Variants in GLIS2 observed in about 807,000 individuals in gnomAD.
GLIS2 encodes GLIS family zinc finger 2, also known as zinc finger protein GLIS2.
Under a neutral mutation model 35.6 loss-of-function variants are expected in GLIS2, and 14 were observed. The observed-to-expected ratio is 0.39, with a 90% CI of 0.26 to 0.61. GLIS2 has a LOEUF of 0.61. Among genes scored for constraint, GLIS2 ranks in the 20% least tolerant of loss-of-function variants. The pLI, the probability that GLIS2 is intolerant of heterozygous loss-of-function variation, is 0.48. For synonymous variants in GLIS2, 368 were observed against 325.1 expected, an observed-to-expected ratio of 1.13 and a Z score of -1.42; for missense variants, 675 against 713.4, an observed-to-expected ratio of 0.95 and a Z score of 0.61.
chr16:4,335,493 G>C lies in GLIS2; in HGVS notation c.775+100G>C. 1.9e-6 allele frequency: 2 copies of C among 1,052,840 alleles called. No homozygotes were observed. The highest frequency in any genetic ancestry group is 4.8e-5 in the East Asian group (2 of 41,338). The allele number at this position is 1,052,840 out of a possible 1,614,324, so 65.2% of individuals were successfully genotyped here. ...GGGAGGGGACTGTTAAGTAAATCCC[G>C]GGCCTCAGAGATAAGGGTTGATGTC... On this transcript the variant is annotated intron_variant, in intron 6 of 6. Coordinates refer to ENST00000433375, the MANE Select transcript of GLIS2 (RefSeq NM_032575.3). This position sits in a 1 kb window ranked among gnomAD's most constrained non-coding sequence, Gnocchi z 4.6.
intron 3 of GLIS2, among the ~76,000 whole-genome samples, 154 bp downstream of exon 3, chr16:4,333,673 C>T (rs892887841): frequency 2.0e-5 from 3 of 152,188 alleles, no homozygotes; most frequent in Admixed American, 6.5e-5. Flanking sequence ...TAGGGGAGAA[C>T]CTTCCCTGCC....
intron 1 of GLIS2, among the ~76,000 whole-genome samples, chr16:4,319,053 C>T (rs932734202): frequency 2.6e-5 from 4 of 152,128 alleles, no homozygotes; most frequent in Non-Finnish European, 2.9e-5. Context: ...AGGCTGCCTC[C>T]GAAGGTTCCT....
intron 1 of GLIS2, among the ~76,000 whole-genome samples, chr16:4,319,619 C>A (rs1188877334): frequency 1.3e-5 from 2 of 152,238 alleles, no homozygotes; most frequent in Non-Finnish European, 1.5e-5. Context: ...GCCTCCGCCC[C>A]ACCCTGGTGA....
chr16:4,328,760 G>A (rs901172134), intron 1 of GLIS2, among the ~76,000 whole-genome samples: 9 of 152,186 alleles, frequency 5.9e-5, no homozygotes, highest in African/African-American at 1.9e-4. Flanking sequence ...GCCCCACCTG[G>A]GGAGACAGGC....
Position 4,337,056 on chromosome 16 carries a change from C to A in GLIS2, c.1107C>A (p.Gly369=). The part of the protein sequence containing the change: ...AALFGGPGLP[G]LPLPLAPGPL... Reference sequence around the variant, plus strand: ...TCTTTGGAGGCCCTGGCCTGCCCGGCTTACCCCTACCCCTGGCCCCCGGCC... The same window carrying A: ...TCTTTGGAGGCCCTGGCCTGCCCGGATTACCCCTACCCCTGGCCCCCGGCC... Residue 369 remains glycine, a synonymous_variant, in exon 7 of 7, where the codon GGC becomes GGA. Coordinates refer to ENST00000433375, the MANE Select transcript of GLIS2 (RefSeq NM_032575.3). 6.4e-7 allele frequency: 1 copy of A among 1,564,536 alleles called. No individual in the cohort carries two copies.
chr16:4,334,103 C>T (rs1399564264), intron 3 of GLIS2, among the ~76,000 whole-genome samples: 2 of 151,818 alleles, frequency 1.3e-5, no homozygotes, highest in Non-Finnish European at 2.9e-5. Context: ...TCACACCTGG[C>T]TACTTTTGTA....
intron 1 of GLIS2, among the ~76,000 whole-genome samples, chr16:4,317,976 C>T (rs1206586516): frequency 6.6e-6 from 1 of 152,208 alleles, no homozygotes; most frequent in African/African-American, 2.4e-5. Flanking sequence ...GGCTCTTCGG[C>T]CCCTGAGTGA....
upstream of GLIS2, among the ~76,000 whole-genome samples, chr16:4,316,011 TCCCG>T (rs1314673797): frequency 2.3e-4 from 12 of 53,312 alleles, no homozygotes; most frequent in African/African-American, 7.4e-4. Context: ...TCCTCCCTCC[TCCCG>T]CCCGCCCGCC....
intron 1 of GLIS2, among the ~76,000 whole-genome samples, chr16:4,318,031 C>T (rs1260389911): frequency 6.6e-6 from 1 of 152,046 alleles, no homozygotes; most frequent in Non-Finnish European, 1.5e-5. Flanking sequence ...GCTCCTGGCT[C>T]TCTACACAGG....
At chr16:4,328,943 A>G (rs2053467667) in intron 1 of GLIS2, among the ~76,000 whole-genome samples, 1 of 130,462 alleles carries the variant, frequency 7.7e-6, no homozygotes, top group Non-Finnish European at 1.5e-5. Flanking sequence ...TTCCCAAACC[A>G]TCCTGCCCTT....
rs2053364942 is a variant in GLIS2 at position 4,320,330 on chromosome 16, C to G, written c.-67+4076C>G. Among the ~76,000 whole-genome samples the G allele has an allele frequency of 6.6e-6, 1 of 152,120 alleles. No individual in the cohort carries two copies. On this transcript the variant is annotated intron_variant, in intron 1 of 6. Transcript: ENST00000433375. The surrounding 1 kb of genome is among the most constrained non-coding windows in gnomAD (Gnocchi z 5.6). ...GCCTCCGGAAAACAGTCCTGCCCGT[C>G]ACATGGAGGGTCCCCACCGCTGGCA...
At chr16:4,318,351 G>T (rs2053337674) in intron 1 of GLIS2, among the ~76,000 whole-genome samples, 1 of 152,210 alleles carries the variant, frequency 6.6e-6, no homozygotes, top group Admixed American at 6.5e-5. Flanking sequence ...AGAAGCCTGG[G>T]TGGAGGGGGG....
At position 4,334,998 on chromosome 16, in the gene GLIS2, G is replaced by GT. The variant is rs768068081; in HGVS notation, c.522+22dup. On this transcript the variant is annotated intron_variant, in intron 4 of 6. Coordinates refer to ENST00000433375, the MANE Select transcript of GLIS2 (RefSeq NM_032575.3). ...CCAAGGTGAGTGGGGGCCAGCAAGA[G>GT]TAGTGTGGAGTCTGGGGCAGGTCAC... is the stretch of plus-strand genomic sequence containing the variant. 37 of 1,613,304 alleles carry GT rather than the reference G, an allele frequency of 2.3e-5. No individual in the cohort carries two copies. In the African/African-American group the frequency reaches 4.0e-4, roughly 17 times the overall value.
At position 4,336,958 on chromosome 16, in the gene GLIS2, C is replaced by G. The variant is rs559478567; in HGVS notation, c.1009C>G (p.Pro337Ala). 1 of 1,610,872 alleles carries G rather than the reference C, an allele frequency of 6.2e-7. No individual in the cohort carries two copies. Among genetic ancestry groups the G allele is most frequent in the African/African-American group, 1.3e-5 (1 of 75,014 alleles). Residue 337 changes from proline (P) to alanine (A), a missense_variant, in exon 7 of 7, where the codon CCG becomes GCG. Physicochemically the swap from Pro to Ala is conservative, Grantham distance 27. Transcript: ENST00000433375. ...CCTGCAGCTGCGCCCACCCCCCAAGCCGCCACTGCCCGCCCCCGACGGCGG... is the reference window on the plus strand; with the variant it reads ...CCTGCAGCTGCGCCCACCCCCCAAGGCGCCACTGCCCGCCCCCGACGGCGG... ...ELLQLRPPPK[P>A]PLPAPDGGPY...
chr16:4,324,820 G>A (rs1228883120), intron 1 of GLIS2: 3 of 152,284 alleles, frequency 2.0e-5, no homozygotes, highest in Non-Finnish European at 2.9e-5. Flanking sequence ...TTTGGGATGA[G>A]GGGGATGAGG....
chr16:4,328,114 G>A (rs1256138516), intron 1 of GLIS2: 1 of 152,296 alleles, frequency 6.6e-6, no homozygotes, highest in Non-Finnish European at 1.5e-5. Context: ...GAGCATCCAC[G>A]GGGTGCCCCC....
chr16:4,330,591 C>T (rs528380125), intron 1 of GLIS2, among the ~76,000 whole-genome samples: 3 of 152,214 alleles, frequency 2.0e-5, no homozygotes, highest in South Asian at 2.1e-4. Context: ...TTGCCTGGTG[C>T]GAGTTCCTTG....
chr16:4,322,746 A>G (rs972808351), intron 1 of GLIS2, among the ~76,000 whole-genome samples: 1 of 152,024 alleles, frequency 6.6e-6, no homozygotes, highest in African/African-American at 2.4e-5. Flanking sequence ...GCAGGAGGGC[A>G]GGCCAAGGTC....
intron 1 of GLIS2, among the ~76,000 whole-genome samples, 46 bp downstream of exon 1, chr16:4,316,300 G>GGGA (rs1567214680): frequency 2.6e-5 from 2 of 77,714 alleles, no homozygotes; most frequent in African/African-American, 2.1e-4. Flanking sequence ...GGGCCGGGGC[G>GGGA]GGGGGGGGGG....
Sources: allele counts gnomAD v4.1 joint callset (sites outside exome capture counted in the v4.1 genomes callset), GRCh38; gene constraint gnomAD v4.1.1; non-coding constraint Gnocchi (gnomAD v3.1); transcripts MANE v1.5; gene names NCBI Gene and HGNC (gene_info 2026-07-23, HGNC 2026-07-21).